MED12L: variants seen among roughly 807,000 people sequenced by gnomAD.
MED12L encodes mediator of RNA polymerase II transcription subunit 12-like protein.
A neutral mutation model predicts 281.3 loss-of-function variants in MED12L; 60 were observed. That is an observed-to-expected ratio of 0.21 (90% CI 0.17 to 0.26). The LOEUF (loss-of-function observed/expected upper bound fraction) is 0.26, where lower values mean the gene tolerates loss of function less well. MED12L is among the 10% of genes least tolerant of loss of function. MED12L has a pLI of 1.00. For synonymous variants in MED12L, 974 were observed against 987.2 expected (o/e 0.99, Z 0.25); for missense variants, 2,146 against 2,680.9 (o/e 0.80, Z 4.41).
chr3:151,360,630 C>T (rs767711990), intron 21 of MED12L, 25 bp downstream of exon 21: 1 of 1,598,670 alleles, frequency 6.3e-7, no homozygotes, highest in East Asian at 2.2e-5. Context: ...CTCAAAAGGA[C>T]AGAAATAGGA....
At chr3:151,249,833 G>A (rs1446506316) in intron 16 of MED12L, among the ~76,000 whole-genome samples, 3 of 152,144 alleles carry the variant, frequency 2.0e-5, no homozygotes, top group Non-Finnish European at 4.4e-5. Flanking sequence ...GATTAATACA[G>A]TCATAATACA....
intron 39 of MED12L, among the ~76,000 whole-genome samples, chr3:151,400,116 C>T (rs1039607094): frequency 8.5e-5 from 13 of 152,062 alleles, no homozygotes; most frequent in African/African-American, 2.9e-4. Flanking sequence ...CGCGAGCCAC[C>T]GCGCCAGGCC....
chr3:151,223,461 T>C (rs764000024), intron 16 of MED12L, among the ~76,000 whole-genome samples: 1 of 152,096 alleles, frequency 6.6e-6, no homozygotes, highest in Non-Finnish European at 1.5e-5. Context: ...CAATGATGGA[T>C]TGGATGAAGA....
At chr3:151,224,713 ACACT>A (rs1435846737) in intron 16 of MED12L, among the ~76,000 whole-genome samples, 2 of 152,164 alleles carry the variant, frequency 1.3e-5, no homozygotes, top group Middle Eastern at 3.2e-3. Flanking sequence ...TTAAAGTTTG[ACACT>A]CACCACACTT....
chr3:151,246,755 C>T (rs1468968127), intron 16 of MED12L, among the ~76,000 whole-genome samples: 1 of 152,098 alleles, frequency 6.6e-6, no homozygotes, highest in Non-Finnish European at 1.5e-5. Context: ...GCCACAAAAG[C>T]CAAAATTGAC....
intron 17 of MED12L, among the ~76,000 whole-genome samples, chr3:151,354,627 AG>A (rs1444781985): frequency 3.3e-5 from 5 of 152,232 alleles, no homozygotes; most frequent in African/African-American, 1.2e-4. Flanking sequence ...ATGTTTATAA[AG>A]GCACTTTTTA....
At chr3:151,406,435 T>C (rs1048648775) in intron 39 of MED12L, among the ~76,000 whole-genome samples, 5 of 152,208 alleles carry the variant, frequency 3.3e-5, no homozygotes, top group African/African-American at 1.2e-4. Flanking sequence ...GGTGTTTTCT[T>C]TTTAGGAGCA....
chr3:151,138,585 C>G (rs979671271), intron 5 of MED12L, among the ~76,000 whole-genome samples: 1 of 152,126 alleles, frequency 6.6e-6, no homozygotes, highest in African/African-American at 2.4e-5. Context: ...TTGGCTGTGA[C>G]ATTTTCTCAG....
At chr3:151,287,750 CTG>C (rs1406572273) in intron 16 of MED12L, among the ~76,000 whole-genome samples, 2 of 152,168 alleles carry the variant, frequency 1.3e-5, no homozygotes, top group African/African-American at 4.8e-5. Flanking sequence ...CTGATGAGCA[CTG>C]TGTAAGATTT....
intron 11 of MED12L, among the ~76,000 whole-genome samples, chr3:151,171,815 GCTTT>G (rs1560117927): frequency 1.3e-5 from 2 of 152,192 alleles, no homozygotes; most frequent in African/African-American, 4.8e-5. Flanking sequence ...ACAAAAGCTC[GCTTT>G]CTGTCAGTGC....
chr3:151,362,900 C>A (rs1754795102), intron 21 of MED12L, among the ~76,000 whole-genome samples: 1 of 152,126 alleles, frequency 6.6e-6, no homozygotes, highest in Non-Finnish European at 1.5e-5. Flanking sequence ...TAACATTCTT[C>A]TCTTACTTTA....
chr3:151,130,017 C>T (rs995868816), intron 5 of MED12L, among the ~76,000 whole-genome samples: 20 of 152,110 alleles, frequency 1.3e-4, no homozygotes, highest in Admixed American at 9.8e-4. Context: ...GATCCTCTCA[C>T]CTGCACCACC....
At chr3:151,283,843 C>T (rs1743120823) in intron 16 of MED12L, among the ~76,000 whole-genome samples, 1 of 152,198 alleles carries the variant, frequency 6.6e-6, no homozygotes, top group Non-Finnish European at 1.5e-5. Context: ...TGTATTAAAT[C>T]ATCTAATCAC....
rs1720028354 is a variant in MED12L, at chr3:151,435,373, A to T, written c.*2569A>T. 1 of 144,070 alleles carries T rather than the reference A, an allele frequency of 6.9e-6. No individual in the cohort carries two copies. Among genetic ancestry groups the T allele is most frequent in the African/African-American group, 2.6e-5 (1 of 38,492 alleles). 8.9% of individuals were successfully genotyped at this position (144,070 alleles called of 1,614,324 possible). A position where few individuals can be genotyped will look rare whatever the true frequency, so the allele number is the denominator to read the frequency against. ...CATTTACCCTTCTTGGCCTGGAAGT[A>T]GAGGAGATCAATGCGTAGCTTTGAC... On this transcript the variant is annotated 3_prime_UTR_variant, in exon 45 of 45. Transcript: ENST00000687756.
Position 151,372,467 on chromosome 3 carries a change from C to A in MED12L, c.3665-100C>A, listed in dbSNP as rs779231047. On this transcript the variant is annotated intron_variant, in intron 26 of 44. Transcript: ENST00000687756. Reference sequence around the variant, plus strand: ...CTGGCTATTCAATAATAATACTGTTCATATATTTTAAATCCCTGAATGCTA... The same window carrying A: ...CTGGCTATTCAATAATAATACTGTTAATATATTTTAAATCCCTGAATGCTA... 4 of 814,286 alleles carry A rather than the reference C, an allele frequency of 4.9e-6. No homozygotes were observed. The African/African-American group carries it at 5.1e-5, about 10-fold the overall frequency. 50.4% of individuals were successfully genotyped at this position (814,286 alleles called of 1,614,324 possible). A position where few individuals can be genotyped will look rare whatever the true frequency, so the allele number is the denominator to read the frequency against.
intron 16 of MED12L, among the ~76,000 whole-genome samples, chr3:151,306,374 T>C (rs1746654326): frequency 6.6e-6 from 1 of 152,202 alleles, no homozygotes; most frequent in African/African-American, 2.4e-5. Flanking sequence ...TGCCTGCCCC[T>C]CTACTGGGGC....
intron 16 of MED12L, among the ~76,000 whole-genome samples, chr3:151,315,090 A>C (rs1748061189): frequency 1.3e-5 from 2 of 151,910 alleles, no homozygotes; most frequent in South Asian, 4.1e-4. Flanking sequence ...CTTACCCTTT[A>C]TTGGGCTTTG....
At chr3:151,304,090 T>TG (rs1187096886) in intron 16 of MED12L, among the ~76,000 whole-genome samples, 5 of 152,186 alleles carry the variant, frequency 3.3e-5, no homozygotes, top group Middle Eastern at 3.4e-3. Flanking sequence ...CAGGGTGTTT[T>TG]GGGGAGAGAA....
rs189184633 is a variant in MED12L, at chr3:151,131,720, A to G, written c.556+3736A>G. ...GATATGAGTGTTTCACCAGGACCAC[A>G]TGATTTCCCCTACTAAATGGAGAAA... is the stretch of plus-strand genomic sequence containing the variant. On this transcript the variant is annotated intron_variant, in intron 5 of 44. Transcript: ENST00000687756. Among the ~76,000 whole-genome samples, 656 of 119,438 alleles carry G rather than the reference A, an allele frequency of 5.5e-3. 3 individuals are homozygous for G. The highest frequency in any genetic ancestry group is 7.8e-3 in the Middle Eastern group (2 of 258). 78.4% of individuals were successfully genotyped at this position (119,438 alleles called of 152,430 possible).
Sources: allele counts gnomAD v4.1 joint callset (sites outside exome capture counted in the v4.1 genomes callset), GRCh38; gene constraint gnomAD v4.1.1; transcripts MANE v1.5; gene names NCBI Gene and HGNC (gene_info 2026-07-23, HGNC 2026-07-21).